The following GRID1 variants were observed in gnomAD, a reference collection of about 807,000 sequenced individuals.
GRID1 encodes the protein glutamate receptor ionotropic, delta-1.
Under a neutral mutation model 98.0 loss-of-function variants are expected in GRID1, and 28 were observed. The observed-to-expected ratio is 0.29, with a 90% CI of 0.21 to 0.39. The LOEUF (loss-of-function observed/expected upper bound fraction) is 0.39, where lower values mean the gene tolerates loss of function less well. Among genes scored for constraint, GRID1 ranks in the 10% least tolerant of loss-of-function variants. The probability of loss-of-function intolerance (pLI) is 1.00; values close to 1 mark genes in which losing one functional copy is unlikely to be tolerated. For missense variants in GRID1, 1,111 were observed against 1,340.5 expected, an observed-to-expected ratio of 0.83 and a Z score of 2.67; for synonymous variants, 553 against 538.5, an observed-to-expected ratio of 1.03 and a Z score of -0.37.
rs75350552 is a variant in GRID1 at position 86,027,012 on chromosome 10, C to A, written c.727-110773G>T. On this transcript the variant is annotated intron_variant, in intron 4 of 15. Transcript: ENST00000327946. ...TGGCTCACAGTGGGGCCATGGGAGGCAGGACAAAGAGCTCCACTCAGAAGG... is the reference window on the plus strand; with the variant it reads ...TGGCTCACAGTGGGGCCATGGGAGGAAGGACAAAGAGCTCCACTCAGAAGG... 2.0e-3 allele frequency among the ~76,000 whole-genome samples: 309 copies of A among 152,326 alleles called. 1 individual carries two copies. Among genetic ancestry groups the A allele is most frequent in the Non-Finnish European group, 3.7e-3 (254 of 68,036 alleles).
At chr10:85,800,925 C>T (rs979717660) in intron 8 of GRID1, among the ~76,000 whole-genome samples, 6 of 151,740 alleles carry the variant, frequency 4.0e-5, no homozygotes, top group African/African-American at 1.5e-4. Context: ...AGAGTTTGAG[C>T]TGTTTCGTTA....
chr10:86,319,080 A>G (rs545554799), intron 2 of GRID1, among the ~76,000 whole-genome samples: 8 of 151,670 alleles, frequency 5.3e-5, no homozygotes, highest in Non-Finnish European at 1.2e-4. Context: ...GAGTGCAACG[A>G]CTCTGAGGTC....
chr10:86,145,626 T>C (rs1230525454), intron 3 of GRID1, among the ~76,000 whole-genome samples: 1 of 151,960 alleles, frequency 6.6e-6, no homozygotes, highest in African/African-American at 2.4e-5. Context: ...TACTCCTCCA[T>C]CAAGACCCAG....
At chr10:86,007,770 C>A (rs1212277776) in intron 4 of GRID1, among the ~76,000 whole-genome samples, 1 of 151,938 alleles carries the variant, frequency 6.6e-6, no homozygotes, top group Non-Finnish European at 1.5e-5. Context: ...TAAGCAGGAC[C>A]CCAGTTTCTA....
intron 5 of GRID1, among the ~76,000 whole-genome samples, chr10:85,898,519 C>T (rs1404506288): frequency 1.3e-5 from 2 of 152,170 alleles, no homozygotes; most frequent in African/African-American, 4.8e-5. Context: ...TAGTTTACAA[C>T]ACAAACACAA....
chr10:86,130,799 C>A (rs757569477), intron 4 of GRID1, among the ~76,000 whole-genome samples: 1 of 152,188 alleles, frequency 6.6e-6, no homozygotes. Context: ...CTTAAGCCAT[C>A]TGCAGATGGC....
chr10:86,242,679 C>T, intron 2 of GRID1, among the ~76,000 whole-genome samples: 1 of 152,196 alleles, frequency 6.6e-6, no homozygotes, highest in East Asian at 1.9e-4. Flanking sequence ...CTGTCCAGGC[C>T]ACCTCGTCCA....
intron 2 of GRID1, among the ~76,000 whole-genome samples, chr10:86,300,250 G>T (rs1227454963): frequency 6.6e-6 from 1 of 151,900 alleles, no homozygotes; most frequent in Non-Finnish European, 1.5e-5. Flanking sequence ...ACTGGGAGAA[G>T]AATACATTTC....
At chr10:85,951,206 C>A (rs2131843656) in intron 4 of GRID1, among the ~76,000 whole-genome samples, 1 of 152,322 alleles carries the variant, frequency 6.6e-6, no homozygotes, top group Non-Finnish European at 1.5e-5. Flanking sequence ...ACCATGAGAA[C>A]CAGACTCTGG....
At chr10:86,211,866 C>T (rs578170118) in intron 2 of GRID1, among the ~76,000 whole-genome samples, 1 of 152,214 alleles carries the variant, frequency 6.6e-6, no homozygotes, top group Non-Finnish European at 1.5e-5. Flanking sequence ...GGATTCCAGG[C>T]TGACTCTACC....
At chr10:85,734,711 ATC>A in intron 8 of GRID1, among the ~76,000 whole-genome samples, 1 of 152,324 alleles carries the variant, frequency 6.6e-6, no homozygotes, top group African/African-American at 2.4e-5. Context: ...GGCTGAGTGA[ATC>A]TCCCCATTTC....
At chr10:85,900,699 T>C (rs1364918639) in intron 5 of GRID1, among the ~76,000 whole-genome samples, 1 of 152,198 alleles carries the variant, frequency 6.6e-6, no homozygotes, top group East Asian at 1.9e-4. Context: ...AGCTGTAATT[T>C]AGTGATCCAT....
In GRID1 at chr10:85,856,038, G is replaced by A. The variant is rs775668075; in HGVS notation, c.1104C>T (p.Thr368=). 3.1e-6 allele frequency: 5 copies of A among 1,613,592 alleles called. No individual in the cohort carries two copies. In the Admixed American group the frequency reaches 8.3e-5, roughly 27 times the overall value. Reference sequence around the variant, plus strand: ...GCCCCCTCACACGTACCTTTTTGATGGTATCCAGCATGGACCTCCCACCAT... The same window carrying A: ...GCCCCCTCACACGTACCTTTTTGATAGTATCCAGCATGGACCTCCCACCAT... ...PWNGGRSMLD[T]IKKGHITGLT... is the part of the protein sequence containing the mutation. Residue 368 remains threonine, a synonymous_variant, in exon 7 of 16, where the codon ACC becomes ACT. Transcript: ENST00000327946.
chr10:86,349,355 C>T (rs1037410165), intron 2 of GRID1, among the ~76,000 whole-genome samples: 1 of 152,200 alleles, frequency 6.6e-6, no homozygotes, highest in Non-Finnish European at 1.5e-5. Flanking sequence ...ACCTGGAGCC[C>T]GGGTGAGCTT....
intron 3 of GRID1, among the ~76,000 whole-genome samples, chr10:86,204,443 G>T (rs1160592491): frequency 6.6e-6 from 1 of 152,194 alleles, no homozygotes; most frequent in African/African-American, 2.4e-5. Context: ...GCAGGCTGAG[G>T]GCAGGACGAG....
intron 2 of GRID1, among the ~76,000 whole-genome samples, chr10:86,358,920 C>A (rs1025178891): frequency 6.6e-6 from 1 of 151,858 alleles, no homozygotes; most frequent in Non-Finnish European, 1.5e-5. Flanking sequence ...AGGCCTTGAC[C>A]CGCCATTGCT....
intron 2 of GRID1, among the ~76,000 whole-genome samples, chr10:86,289,710 T>C (rs1847485158): frequency 6.6e-6 from 1 of 152,130 alleles, no homozygotes; most frequent in Admixed American, 6.5e-5. Context: ...AGTCCATGAC[T>C]TCTAGTGAGC....
intron 5 of GRID1, among the ~76,000 whole-genome samples, chr10:85,905,443 A>AT (rs1773419374): frequency 6.6e-6 from 1 of 152,096 alleles, no homozygotes; most frequent in Non-Finnish European, 1.5e-5. Context: ...CACCAAAAAT[A>AT]TAAATAGCAC....
At chr10:86,180,882 C>G (rs532876292) in intron 3 of GRID1, among the ~76,000 whole-genome samples, 1 of 152,216 alleles carries the variant, frequency 6.6e-6, no homozygotes, top group Non-Finnish European at 1.5e-5. Context: ...ACCAGAGAGG[C>G]CAAAGGCTCT....
Sources: allele counts gnomAD v4.1 joint callset (sites outside exome capture counted in the v4.1 genomes callset), GRCh38; gene constraint gnomAD v4.1.1; transcripts MANE v1.5; gene names NCBI Gene and HGNC (gene_info 2026-07-23, HGNC 2026-07-21).